Variants in COL23A1 observed in about 807,000 individuals in gnomAD.
The protein encoded by COL23A1 is collagen alpha-1(XXIII) chain.
A neutral mutation model predicts 99.3 loss-of-function variants in COL23A1; 97 were observed. The ratio of observed to expected loss-of-function variants is 0.98; its 90% CI spans 0.83 to 1.16. The LOEUF (loss-of-function observed/expected upper bound fraction) is 1.16. COL23A1 is among the 50% of genes most tolerant of loss of function. The probability of loss-of-function intolerance (pLI) is 0.00; values close to 1 mark genes in which losing one functional copy is unlikely to be tolerated. For missense variants in COL23A1, 762 were observed against 757.4 expected, an observed-to-expected ratio of 1.01 and a Z score of -0.07; for synonymous variants, 320 against 308.2, an observed-to-expected ratio of 1.04 and a Z score of -0.40.
At chr5:178,364,580 C>G (rs990988054) in intron 2 of COL23A1, among the ~76,000 whole-genome samples, 3 of 152,156 alleles carry the variant, frequency 2.0e-5, no homozygotes, top group African/African-American at 7.2e-5. Context: ...GATCCTGCCT[C>G]TCCCATCTCC....
At position 178,307,125 on chromosome 5, in the gene COL23A1, C is replaced by T. The variant is rs113626473; in HGVS notation, c.362-206G>A. ...TACCTCGCCTGTTCCGCCAACCCCC[C>T]TCCCCAGGTGGCCGCATCCCTCATG... On this transcript the variant is annotated intron_variant, in intron 2 of 28. Transcript: ENST00000390654. The surrounding 1 kb of genome is among the most constrained non-coding windows in gnomAD (Gnocchi z 4.2). Among the ~76,000 whole-genome samples, 799 of 152,262 alleles carry T rather than the reference C, an allele frequency of 5.2e-3. 4 individuals carry two copies. Among genetic ancestry groups the T allele is most frequent in the Middle Eastern group, 0.01 (3 of 294 alleles).
At chr5:178,503,909 G>A (rs906064245) in intron 2 of COL23A1, among the ~76,000 whole-genome samples, 2 of 152,226 alleles carry the variant, frequency 1.3e-5, no homozygotes, top group African/African-American at 4.8e-5. Flanking sequence ...CCGGAGGGGA[G>A]GGTGCGGGCT....
chr5:178,586,544 G>A (rs1384223127), intron 1 of COL23A1, among the ~76,000 whole-genome samples: 2 of 150,004 alleles, frequency 1.3e-5, no homozygotes, highest in Non-Finnish European at 2.9e-5. Flanking sequence ...TGAAAGGAAC[G>A]CCCCAATCCT....
At chr5:178,564,271 G>A (rs1423865972) in intron 1 of COL23A1, among the ~76,000 whole-genome samples, 1 of 152,100 alleles carries the variant, frequency 6.6e-6, no homozygotes, top group African/African-American at 2.4e-5. Flanking sequence ...CAATTAGATG[G>A]TGAATCTGTA....
chr5:178,258,262 T>TATATATATATATATATATATATAGATAC, intron 12 of COL23A1, among the ~76,000 whole-genome samples: 1 of 104,066 alleles, frequency 9.6e-6, no homozygotes, highest in Non-Finnish European at 2.2e-5. Context: ...TATATATATA[T>TATATATATATATATATATATATAGATAC]ACACATGCAA....
chr5:178,265,033 T>C lies in COL23A1; in HGVS notation c.523-1709A>G, dbSNP rs143594180. On this transcript the variant is annotated intron_variant, in intron 8 of 28. Coordinates refer to ENST00000390654, the MANE Select transcript of COL23A1 (RefSeq NM_173465.4). Reference sequence around the variant, plus strand: ...CAGAAGGAATGGCTGGGGTGGGGGATTATTTGCCCAGGGTTACAGAGCCAG... The same window carrying C: ...CAGAAGGAATGGCTGGGGTGGGGGACTATTTGCCCAGGGTTACAGAGCCAG... Among the ~76,000 whole-genome samples, 840 of 152,246 alleles carry C rather than the reference T, an allele frequency of 5.5e-3. 3 individuals carry two copies. Among genetic ancestry groups the C allele is most frequent in the Non-Finnish European group, 8.9e-3 (603 of 68,012 alleles).
At position 178,427,785 on chromosome 5, in the gene COL23A1, C is replaced by G. The variant is rs1021128628; in HGVS notation, c.362-120866G>C. Among the ~76,000 whole-genome samples the G allele has an allele frequency of 4.6e-5, 7 of 151,862 alleles. 1 individual carries two copies. The highest frequency in any genetic ancestry group is 4.6e-4 in the Admixed American group (7 of 15,244). On this transcript the variant is annotated intron_variant, in intron 2 of 28. Coordinates refer to ENST00000390654, the MANE Select transcript of COL23A1 (RefSeq NM_173465.4). The stretch of plus-strand genomic sequence containing the variant: ...CTATGGAGATGGTGAAAAGATCACT[C>G]GTTGCCAGGGGCTGGGGGAGGGAGG...
intron 3 of COL23A1, among the ~76,000 whole-genome samples, chr5:178,300,237 T>A (rs1054064961): frequency 6.6e-6 from 1 of 151,436 alleles, no homozygotes; most frequent in Admixed American, 6.6e-5. Flanking sequence ...GCCCGGCTAA[T>A]TTTTTGTATT....
At chr5:178,328,410 C>T (rs1759818541) in intron 2 of COL23A1, among the ~76,000 whole-genome samples, 1 of 152,210 alleles carries the variant, frequency 6.6e-6, no homozygotes, top group Non-Finnish European at 1.5e-5. Flanking sequence ...AGTCCACGGC[C>T]ACCTTCTTAG....
chr5:178,438,744 T>C (rs1027649220), intron 2 of COL23A1: 1 of 152,180 alleles, frequency 6.6e-6, no homozygotes, highest in Non-Finnish European at 1.5e-5. Context: ...GGTCTACTTA[T>C]AAAGAGCGAG....
At chr5:178,328,429 A>G (rs1759819754) in intron 2 of COL23A1, among the ~76,000 whole-genome samples, 1 of 152,234 alleles carries the variant, frequency 6.6e-6, no homozygotes, top group South Asian at 2.1e-4. Flanking sequence ...AGCGCAGAGC[A>G]GCCTGGTAAA....
intron 2 of COL23A1, among the ~76,000 whole-genome samples, chr5:178,372,457 A>G (rs1199501596): frequency 6.6e-6 from 1 of 152,234 alleles, no homozygotes; most frequent in Non-Finnish European, 1.5e-5. Context: ...TGCCAAAGGG[A>G]AAAAACAGGG....
At chr5:178,404,273 C>T (rs973906857) in intron 2 of COL23A1, among the ~76,000 whole-genome samples, 4 of 152,194 alleles carry the variant, frequency 2.6e-5, no homozygotes, top group African/African-American at 9.7e-5. Context: ...CAATCACTGC[C>T]ACCATCATTC....
At chr5:178,451,656 C>CAA (rs5873614) in intron 2 of COL23A1, among the ~76,000 whole-genome samples, 35,339 of 105,054 alleles carry the variant, frequency 0.34, 6,707 homozygotes, top group African/African-American at 0.4. Context: ...AACTCCATCT[C>CAA]AAAAAAAAAA....
chr5:178,368,885 T>C (rs937904577), intron 2 of COL23A1, among the ~76,000 whole-genome samples: 3 of 152,246 alleles, frequency 2.0e-5, no homozygotes, highest in African/African-American at 7.2e-5. Context: ...CCAGGGCAGA[T>C]ATGCCCACGT....
intron 14 of COL23A1, 65 bp downstream of exon 14, chr5:178,256,801 A>C: frequency 3.4e-6 from 5 of 1,486,460 alleles, no homozygotes; most frequent in Non-Finnish European, 3.7e-6. Context: ...CACATCTCCC[A>C]CTCCCGACTG....
intron 3 of COL23A1, among the ~76,000 whole-genome samples, chr5:178,302,223 C>T (rs71594787): frequency 1.5e-5 from 1 of 64,548 alleles, no homozygotes. Context: ...CCTCTGTGTG[C>T]GCCGGAGCAC....
chr5:178,416,481 G>A (rs1275005085), intron 2 of COL23A1, among the ~76,000 whole-genome samples: 1 of 152,216 alleles, frequency 6.6e-6, no homozygotes, highest in Non-Finnish European at 1.5e-5. Flanking sequence ...GAGCCCGGAG[G>A]GGTGGGGCCC....
At chr5:178,324,157 C>T (rs150496176) in intron 2 of COL23A1, among the ~76,000 whole-genome samples, 1 of 147,532 alleles carries the variant, frequency 6.8e-6, no homozygotes, top group Non-Finnish European at 1.5e-5. Flanking sequence ...GGCACGAGGG[C>T]TGGGGTTACT....
Sources: gnomAD v4.1 joint callset for allele counts (sites outside exome capture counted in the v4.1 genomes callset) on GRCh38, gnomAD v4.1.1 for gene constraint, Gnocchi (gnomAD v3.1) non-coding constraint, MANE v1.5 for transcripts, NCBI Gene and HGNC (gene_info 2026-07-23, HGNC 2026-07-21) for gene names.